ARAP2: variants seen among roughly 807,000 people sequenced by gnomAD.
ARAP2 encodes ArfGAP with RhoGAP domain, ankyrin repeat and PH domain 2, also known as arf-GAP with Rho-GAP domain, ANK repeat and PH domain-containing protein 2.
A neutral mutation model predicts 194.5 loss-of-function variants in ARAP2; 148 were observed. The ratio of observed to expected loss-of-function variants is 0.76; its 90% CI spans 0.67 to 0.87. The LOEUF (loss-of-function observed/expected upper bound fraction) is 0.87, where lower values mean the gene tolerates loss of function less well. Among genes scored for constraint, ARAP2 ranks in the 40% least tolerant of loss-of-function variants. The pLI, the probability that ARAP2 is intolerant of heterozygous loss-of-function variation, is 0.00. For synonymous variants in ARAP2, 695 were observed against 683.5 expected, an observed-to-expected ratio of 1.02 and a Z score of -0.26; for missense variants, 2,128 against 1,989.7, an observed-to-expected ratio of 1.07 and a Z score of -1.32.
chr4:36,135,824 T>C (rs1726573096), intron 19 of ARAP2, among the ~76,000 whole-genome samples: 1 of 151,838 alleles, frequency 6.6e-6, no homozygotes, highest in Non-Finnish European at 1.5e-5. Flanking sequence ...ATAAAATCTT[T>C]GTAACTATTT....
chr4:36,183,944 A>C (rs993628177), intron 8 of ARAP2, among the ~76,000 whole-genome samples: 1 of 152,184 alleles, frequency 6.6e-6, no homozygotes, highest in Non-Finnish European at 1.5e-5. Flanking sequence ...TTATCACCAA[A>C]AGTAAAGAAT....
Position 36,091,920 on chromosome 4 carries a change from A to G in ARAP2, c.4386T>C (p.Val1462=), listed in dbSNP as rs1199030554. The change falls in exon 28 of 33, where the codon GTT becomes GTC. Residue 1462 remains valine, a synonymous_variant. Transcript: ENST00000303965. The part of the protein sequence containing the change: ...SGNKFQDRYF[V]LRDGFLFLYK... ...AAAGAAAGAGAAACCCATCTCGTAA[A>G]ACAAAATACCGGTCTTGAAACTTAT... 16 of 1,607,684 alleles carry G rather than the reference A, an allele frequency of 1.0e-5. No individual in the cohort carries two copies. Among genetic ancestry groups the G allele is most frequent in the East Asian group, 2.2e-5 (1 of 44,692 alleles).
At chr4:36,030,507 G>T (rs921340679) in intron 5 of ARAP2, among the ~76,000 whole-genome samples, 3 of 151,844 alleles carry the variant, frequency 2.0e-5, no homozygotes, top group Non-Finnish European at 4.4e-5. Context: ...TTGTTGGATT[G>T]TTTTGTTTTT....
chr4:36,181,927 G>A (rs984533827), intron 8 of ARAP2, among the ~76,000 whole-genome samples: 3 of 152,160 alleles, frequency 2.0e-5, no homozygotes, highest in Non-Finnish European at 4.4e-5. Flanking sequence ...CTCAGAAGAA[G>A]GGGATGGTTA....
At chr4:36,205,045 A>G (rs947479102) in intron 6 of ARAP2, among the ~76,000 whole-genome samples, 2 of 150,504 alleles carry the variant, frequency 1.3e-5, no homozygotes, top group African/African-American at 4.9e-5. Flanking sequence ...AAAAAAATCA[A>G]CAATTATTAT....
At chr4:36,231,364 A>C (rs191364131) in intron 1 of ARAP2, among the ~76,000 whole-genome samples, 1 of 150,312 alleles carries the variant, frequency 6.7e-6, no homozygotes, top group Admixed American at 6.6e-5. Flanking sequence ...AATAAATAAA[A>C]AATTTTAAAA....
At chr4:36,241,142 AAAGCAGAATTTT>A (rs1228542247) in intron 1 of ARAP2, among the ~76,000 whole-genome samples, 5 of 152,324 alleles carry the variant, frequency 3.3e-5, no homozygotes, top group African/African-American at 1.2e-4. Context: ...AGTTTCTACA[AAAGCAGAATTTT>A]AAAACTTTTG....
chr4:36,014,621 C>T (rs150702017), intron 8 of ARAP2, among the ~76,000 whole-genome samples: 20 of 152,238 alleles, frequency 1.3e-4, no homozygotes, highest in African/African-American at 4.8e-4. Context: ...CTTTTCTATA[C>T]GTCAGCAAGA....
intron 15 of ARAP2, among the ~76,000 whole-genome samples, chr4:36,153,654 C>T (rs1248122615): frequency 6.6e-6 from 1 of 152,128 alleles, no homozygotes; most frequent in African/African-American, 2.4e-5. Flanking sequence ...AAAGAACTCC[C>T]CAGAGGTGAC....
At chr4:36,069,938 CT>C (rs879348591) in intron 32 of ARAP2, among the ~76,000 whole-genome samples, 1 of 152,094 alleles carries the variant, frequency 6.6e-6, no homozygotes, top group Non-Finnish European at 1.5e-5. Flanking sequence ...CCTTTCCCCC[CT>C]CTCTCTCTTG....
intron 27 of ARAP2, among the ~76,000 whole-genome samples, chr4:36,101,865 C>A (rs1717025604): frequency 6.6e-6 from 1 of 152,010 alleles, no homozygotes; most frequent in South Asian, 2.1e-4. Context: ...TGACCACCAT[C>A]ACTATCAACC....
chr4:36,128,808 T>A, intron 20 of ARAP2, 63 bp from the exon 21 acceptor site: 2 of 1,312,674 alleles, frequency 1.5e-6, no homozygotes, highest in Non-Finnish European at 2.1e-6. Context: ...TTTGATATTT[T>A]AAAAACAAAA....
At chr4:36,202,357 A>T (rs1484135014) in intron 6 of ARAP2, among the ~76,000 whole-genome samples, 2 of 152,196 alleles carry the variant, frequency 1.3e-5, no homozygotes, top group East Asian at 3.8e-4. Context: ...GCACTTTCTC[A>T]CTTTTGAGCA....
rs1224134834 is a variant in ARAP2, at chr4:36,160,835, C to T, written c.2260-194G>A. 2.6e-5 allele frequency among the ~76,000 whole-genome samples: 4 copies of T among 152,130 alleles called. No homozygotes were observed. In the East Asian group the frequency reaches 7.7e-4, roughly 29 times the overall value. ...TGATCAGTTTTTAATACAGCCTACC[C>T]ACTCTAAATAATGGAGAAAAATTAG... On this transcript the variant is annotated intron_variant, in intron 12 of 32. Coordinates refer to ENST00000303965, the MANE Select transcript of ARAP2 (RefSeq NM_015230.4).
At chr4:36,089,413 A>G (rs1712903702) in intron 28 of ARAP2, among the ~76,000 whole-genome samples, 1 of 152,102 alleles carries the variant, frequency 6.6e-6, no homozygotes, top group African/African-American at 2.4e-5. Flanking sequence ...GCTTATGAAC[A>G]TTCTTGTACA....
chr4:36,101,666 T>C (rs1716967175), intron 27 of ARAP2, among the ~76,000 whole-genome samples: 1 of 152,002 alleles, frequency 6.6e-6, no homozygotes. Flanking sequence ...CATGTGATTC[T>C]CATGCAACTT....
intron 6 of ARAP2, among the ~76,000 whole-genome samples, chr4:36,201,628 T>A (rs11096802): frequency 0.13 from 19,306 of 152,190 alleles, 1,509 homozygotes; most frequent in Admixed American, 0.23. Context: ...TCAACTGCTT[T>A]CATAAAAACA....
chr4:36,187,658 G>T, intron 7 of ARAP2, 87 bp from the exon 8 acceptor site: 1 of 1,174,348 alleles, frequency 8.5e-7, no homozygotes, highest in Non-Finnish European at 1.2e-6. Flanking sequence ...ATTTATAACT[G>T]CTTCTCTTTA....
intron 1 of ARAP2, among the ~76,000 whole-genome samples, chr4:36,233,726 T>C (rs1238893186): frequency 6.6e-6 from 1 of 152,246 alleles, no homozygotes; most frequent in Non-Finnish European, 1.5e-5. Flanking sequence ...CCATCATAAG[T>C]GACTCGCACA....
Sources: gnomAD v4.1 joint callset for allele counts (sites outside exome capture counted in the v4.1 genomes callset) on GRCh38, gnomAD v4.1.1 for gene constraint, MANE v1.5 for transcripts, NCBI Gene and HGNC (gene_info 2026-07-23, HGNC 2026-07-21) for gene names.